The following PRRG4 variants were observed in gnomAD, a reference collection of about 807,000 sequenced individuals.
The protein encoded by PRRG4 is proline rich and Gla domain 4.
Under a neutral mutation model 20.0 loss-of-function variants are expected in PRRG4, and 12 were observed. That is an observed-to-expected ratio of 0.60 (90% confidence interval 0.38 to 0.97). The LOEUF (loss-of-function observed/expected upper bound fraction) is 0.97. Ranked by LOEUF, PRRG4 falls within the 50% of genes least tolerant of loss-of-function variation. The pLI is 0.00. For missense variants in PRRG4, 199 were observed against 265.1 expected (o/e 0.75, Z 1.73); for synonymous variants, 94 against 96.4 (o/e 0.98, Z 0.15).
Position 32,854,818 on chromosome 11 carries a change from A to T in PRRG4, c.*1291A>T, listed in dbSNP as rs1450871614. On this transcript the variant is annotated 3_prime_UTR_variant, in exon 6 of 6. Transcript: ENST00000257836. ...GTCAGTAGTTTTCTTCTTCTAAAAA[A>T]TACTATTTGCTATGAAGTTAGTTCT... 1 of 152,198 alleles carries T rather than the reference A, an allele frequency of 6.6e-6. No homozygotes were observed. 9.4% of individuals were successfully genotyped at this position (152,198 alleles called of 1,614,324 possible). A position where few individuals can be genotyped will look rare whatever the true frequency, so the allele number is the denominator to read the frequency against.
At position 32,854,749 on chromosome 11, in the gene PRRG4, T is replaced by G. The variant is rs1434363523; in HGVS notation, c.*1222T>G. 6.6e-6 allele frequency: 1 copy of G among 152,138 alleles called. No individual in the cohort carries two copies. Among genetic ancestry groups the G allele is most frequent in the Non-Finnish European group, 1.5e-5 (1 of 68,034 alleles). 9.4% of individuals were successfully genotyped at this position (152,138 alleles called of 1,614,324 possible). A position where few individuals can be genotyped will look rare whatever the true frequency, so the allele number is the denominator to read the frequency against. On this transcript the variant is annotated 3_prime_UTR_variant, in exon 6 of 6. Transcript: ENST00000257836. ...AGTCATCATATTTTGCAGAGTTTAG[T>G]TCTTAACTCTTGCTGTCAGTCATGT...
chr11:32,844,796 C>T (rs1016339265), intron 5 of PRRG4, among the ~76,000 whole-genome samples: 13 of 152,026 alleles, frequency 8.6e-5, no homozygotes, highest in African/African-American at 3.1e-4. Flanking sequence ...CCACTGCACC[C>T]GGCCCAGCTA....
Position 32,838,945 on chromosome 11 carries a change from G to A in PRRG4, c.316+15G>A. The A allele has an allele frequency of 6.3e-7, 1 of 1,580,928 alleles. No homozygotes were observed. The highest frequency in any genetic ancestry group is 8.7e-7 in the Non-Finnish European group (1 of 1,150,328). ...CACAAAATCAGGTAAAACAAGAATT[G>A]ATCAAATTTAATGCTTTTCTCATCC... On this transcript the variant is annotated intron_variant, in intron 4 of 5. Transcript: ENST00000257836.
chr11:32,847,717 T>C (rs566694906), intron 5 of PRRG4, among the ~76,000 whole-genome samples: 1 of 152,338 alleles, frequency 6.6e-6, no homozygotes, highest in South Asian at 2.1e-4. Flanking sequence ...AGTAGCATTA[T>C]TCAAATAACC....
chr11:32,830,669 T>C (rs748028335), intron 2 of PRRG4, 37 bp downstream of exon 2: 1 of 1,613,558 alleles, frequency 6.2e-7, no homozygotes, highest in Non-Finnish European at 8.5e-7. Context: ...CAGAGCCGCA[T>C]AGCACAGATC....
chr11:32,850,687 G>C (rs564755765), intron 5 of PRRG4, among the ~76,000 whole-genome samples: 1 of 152,272 alleles, frequency 6.6e-6, no homozygotes, highest in South Asian at 2.1e-4. Flanking sequence ...TTGCAAATCT[G>C]AAAGTAGGGG....
At chr11:32,845,139 T>G (rs1851116334) in intron 5 of PRRG4, among the ~76,000 whole-genome samples, 1 of 152,174 alleles carries the variant, frequency 6.6e-6, no homozygotes, top group Non-Finnish European at 1.5e-5. Flanking sequence ...CTTAGCTGTA[T>G]TTATAACCAT....
chr11:32,846,100 G>A (rs1183079693), intron 5 of PRRG4, among the ~76,000 whole-genome samples: 2 of 152,158 alleles, frequency 1.3e-5, no homozygotes, highest in Non-Finnish European at 2.9e-5. Context: ...GGAGGCTACT[G>A]TGAGCCGTGA....
chr11:32,849,581 T>A lies in PRRG4; in HGVS notation c.450-3715T>A, dbSNP rs566656231. Among the ~76,000 whole-genome samples the A allele has an allele frequency of 4.6e-5, 7 of 152,254 alleles. No homozygotes were observed. The South Asian group carries it at 1.2e-3, about 27-fold the overall frequency. ...CAGGAGGCTGAGGCAGGAGAAACGC[T>A]TGAACCCAGGAGGCAGAGGTTGCAG... On this transcript the variant is annotated intron_variant, in intron 5 of 5. Transcript: ENST00000257836.
In PRRG4 at chr11:32,853,631, C is replaced by T. The variant is rs1382636969; in HGVS notation, c.*104C>T. On this transcript the variant is annotated 3_prime_UTR_variant, in exon 6 of 6. Coordinates refer to ENST00000257836, the MANE Select transcript of PRRG4 (RefSeq NM_024081.6). ...CTTTGGGAGGCCAGGAGTTCGAGAC[C>T]AGCCTGGCCAACATGGTGAAACCCG... The T allele has an allele frequency of 1.4e-5, 12 of 861,442 alleles. No homozygotes were observed. The highest frequency in any genetic ancestry group is 2.0e-5 in the Non-Finnish European group (11 of 546,238). 53.4% of individuals were successfully genotyped at this position (861,442 alleles called of 1,614,324 possible).
At chr11:32,848,857 A>C (rs1384179414) in intron 5 of PRRG4, among the ~76,000 whole-genome samples, 3 of 152,022 alleles carry the variant, frequency 2.0e-5, no homozygotes, top group Admixed American at 6.6e-5. Flanking sequence ...CTGTAATCCC[A>C]GCTACTCGGG....
rs1851218526 is a variant in PRRG4 at position 32,855,038 on chromosome 11, A to G, written c.*1511A>G. The G allele has an allele frequency of 6.6e-6, 1 of 152,216 alleles. No individual in the cohort carries two copies. Among genetic ancestry groups the G allele is most frequent in the Non-Finnish European group, 1.5e-5 (1 of 68,030 alleles). 9.4% of individuals were successfully genotyped at this position (152,216 alleles called of 1,614,324 possible). ...ATTATTTTGAAATTTGTTAAACTTCATAAGTAATAGTTTGAGAATGTGGAA... is the reference window on the plus strand; with the variant it reads ...ATTATTTTGAAATTTGTTAAACTTCGTAAGTAATAGTTTGAGAATGTGGAA... On this transcript the variant is annotated 3_prime_UTR_variant, in exon 6 of 6. Coordinates refer to ENST00000257836, the MANE Select transcript of PRRG4 (RefSeq NM_024081.6).
intron 3 of PRRG4, among the ~76,000 whole-genome samples, chr11:32,838,611 G>A (rs529333852): frequency 1.1e-4 from 16 of 152,220 alleles, no homozygotes; most frequent in African/African-American, 3.1e-4. Context: ...ATGCTTTAGT[G>A]GGGGCTCCAG....
chr11:32,831,500 C>T (rs1417343493), intron 2 of PRRG4, among the ~76,000 whole-genome samples: 1 of 152,158 alleles, frequency 6.6e-6, no homozygotes, highest in Non-Finnish European at 1.5e-5. Flanking sequence ...TGAGCTAGAA[C>T]AATCCATTAA....
chr11:32,839,027 T>A, intron 4 of PRRG4, 97 bp downstream of exon 4: 1 of 816,718 alleles, frequency 1.2e-6, no homozygotes, highest in Non-Finnish European at 2.1e-6. Flanking sequence ...TTGCGCAACA[T>A]ACATACCTTA....
intron 5 of PRRG4, among the ~76,000 whole-genome samples, chr11:32,849,034 A>C (rs1851157605): frequency 6.6e-6 from 1 of 152,004 alleles, no homozygotes; most frequent in African/African-American, 2.4e-5. Flanking sequence ...TTGGAAGATT[A>C]AAGGTGAAGT....
intron 2 of PRRG4, among the ~76,000 whole-genome samples, chr11:32,831,727 TAA>T (rs528609358): frequency 8.4e-4 from 128 of 152,226 alleles, no homozygotes; most frequent in African/African-American, 2.8e-3. Context: ...GACACGGGTA[TAA>T]GAGACACTCT....
intron 5 of PRRG4, among the ~76,000 whole-genome samples, chr11:32,852,070 G>A (rs755149314): frequency 6.6e-6 from 1 of 152,196 alleles, no homozygotes; most frequent in Non-Finnish European, 1.5e-5. Flanking sequence ...ACAAGGTTTA[G>A]TGAAAATGGT....
At chr11:32,837,251 G>A (rs1008065809) in intron 3 of PRRG4, among the ~76,000 whole-genome samples, 1 of 151,908 alleles carries the variant, frequency 6.6e-6, no homozygotes, top group Non-Finnish European at 1.5e-5. Flanking sequence ...CTTTTTTGAT[G>A]ACCCATATTT....
Sources: gnomAD v4.1 joint callset for allele counts (sites outside exome capture counted in the v4.1 genomes callset) on GRCh38, gnomAD v4.1.1 for gene constraint, MANE v1.5 for transcripts, NCBI Gene and HGNC (gene_info 2026-07-23, HGNC 2026-07-21) for gene names.